Variants in CSMD2 observed in about 807,000 individuals in gnomAD.
CSMD2 encodes the protein CUB and sushi domain-containing protein 2.
CSMD2 carries 130 observed loss-of-function variants against 398.5 expected under a neutral mutation model. The ratio of observed to expected loss-of-function variants is 0.33; its 90% CI spans 0.28 to 0.38. CSMD2 has a LOEUF of 0.38. CSMD2 is among the 10% of genes least tolerant of loss of function. CSMD2 has a pLI of 1.00. For synonymous variants in CSMD2, 1,828 were observed against 1,908.5 expected (o/e 0.96, Z 1.10); for missense variants, 3,829 against 4,764.9 (o/e 0.80, Z 5.78).
At chr1:34,142,223 C>T (rs72888112) in intron 1 of CSMD2, among the ~76,000 whole-genome samples, 5,938 of 152,244 alleles carry the variant, frequency 0.039, 370 homozygotes, top group African/African-American at 0.14. Context: ...TGGCGGCCCC[C>T]TCAGTCTCCA....
intron 12 of CSMD2, among the ~76,000 whole-genome samples, chr1:33,775,117 C>T (rs960824244): frequency 3.3e-5 from 5 of 152,084 alleles, no homozygotes; most frequent in African/African-American, 7.2e-5. Flanking sequence ...TTTCAAGGGG[C>T]GCCAAAATCT....
In CSMD2 at chr1:33,953,817, T is replaced by A. The variant is rs989500316; in HGVS notation, c.518-17863A>T. Among the ~76,000 whole-genome samples, 4 of 152,310 alleles carry A rather than the reference T, an allele frequency of 2.6e-5. No individual in the cohort carries two copies. In the South Asian group the frequency reaches 8.3e-4, roughly 32 times the overall value. On this transcript the variant is annotated intron_variant, in intron 3 of 70. Coordinates refer to ENST00000373381, the MANE Select transcript of CSMD2 (RefSeq NM_001281956.2). The stretch of plus-strand genomic sequence containing the variant: ...CCTGAGAGATACGGATTGATTTTAT[T>A]GACTCAGGAGCCAGCTATGAGCATG...
chr1:34,017,608 G>A (rs1011514971), intron 3 of CSMD2, among the ~76,000 whole-genome samples: 3 of 152,142 alleles, frequency 2.0e-5, no homozygotes, highest in Non-Finnish European at 4.4e-5. Flanking sequence ...ATTTAGCCGA[G>A]TATAGTGGTG....
At chr1:33,566,484 G>GA (rs1186438691) in intron 53 of CSMD2, among the ~76,000 whole-genome samples, 1 of 152,148 alleles carries the variant, frequency 6.6e-6, no homozygotes, top group Non-Finnish European at 1.5e-5. Context: ...TAATATATGT[G>GA]AATGAGTTTA....
intron 4 of CSMD2, among the ~76,000 whole-genome samples, chr1:33,922,306 G>T (rs1643970109): frequency 6.6e-6 from 1 of 152,136 alleles, no homozygotes; most frequent in Non-Finnish European, 1.5e-5. Context: ...AAGAAGAGAA[G>T]GTGGGAAGGG....
intron 13 of CSMD2, among the ~76,000 whole-genome samples, chr1:33,764,680 C>G (rs955745780): frequency 6.6e-6 from 1 of 152,242 alleles, no homozygotes; most frequent in African/African-American, 2.4e-5. Flanking sequence ...TAATCACAAA[C>G]AGTTCCCAGG....
At position 33,958,171 on chromosome 1, in the gene CSMD2, C is replaced by T. The variant is rs542209894; in HGVS notation, c.518-22217G>A. 9.9e-5 allele frequency among the ~76,000 whole-genome samples: 15 copies of T among 152,260 alleles called. No homozygotes were observed. The South Asian group carries it at 2.9e-3, about 29-fold the overall frequency. ...CCTCATTCCATGAGGCTGTGTTTTT[C>T]CAAAGCACTGGGTCCTCTTGGCTGT... On this transcript the variant is annotated intron_variant, in intron 3 of 70. Coordinates refer to ENST00000373381, the MANE Select transcript of CSMD2 (RefSeq NM_001281956.2).
chr1:34,105,980 C>G (rs933549111), intron 1 of CSMD2, among the ~76,000 whole-genome samples: 1 of 152,048 alleles, frequency 6.6e-6, no homozygotes, highest in Admixed American at 6.6e-5. Flanking sequence ...GTTAGGGACC[C>G]CATGGATTCT....
chr1:33,519,242 G>T lies in CSMD2; in HGVS notation c.*53+223C>A, dbSNP rs1654023419. 6.6e-6 allele frequency among the ~76,000 whole-genome samples: 1 copy of T among 152,158 alleles called. No individual in the cohort carries two copies. The highest frequency in any genetic ancestry group is 6.5e-5 in the Admixed American group (1 of 15,268). On this transcript the variant is annotated intron_variant, in intron 70 of 70. Coordinates refer to ENST00000373381, the MANE Select transcript of CSMD2 (RefSeq NM_001281956.2). The surrounding 1 kb of genome is among the most constrained non-coding windows in gnomAD (Gnocchi z 5.6). ...GCTCAGTTTTCTCATCTGTAATGGGGCTCCCACAAGCTTCTACCTCACAGG... is the reference window on the plus strand; with the variant it reads ...GCTCAGTTTTCTCATCTGTAATGGGTCTCCCACAAGCTTCTACCTCACAGG...
At chr1:33,602,663 G>T in intron 42 of CSMD2, 117 bp from the exon 43 acceptor site, 1 of 930,774 alleles carries the variant, frequency 1.1e-6, no homozygotes, top group Non-Finnish European at 1.5e-6. Flanking sequence ...GGGAGGTTGG[G>T]TGGGATGCGG....
intron 55 of CSMD2, among the ~76,000 whole-genome samples, chr1:33,557,182 C>T (rs370059480): frequency 3.3e-5 from 5 of 152,182 alleles, no homozygotes; most frequent in Non-Finnish European, 7.3e-5. Context: ...TCTAATAACC[C>T]TATGGAATAG....
At chr1:34,123,813 A>G (rs1218695418) in intron 1 of CSMD2, among the ~76,000 whole-genome samples, 1 of 152,148 alleles carries the variant, frequency 6.6e-6, no homozygotes, top group Non-Finnish European at 1.5e-5. Context: ...AGCAGGAAAA[A>G]AAAACAACAA....
At chr1:33,991,004 T>C (rs1156844809) in intron 3 of CSMD2, among the ~76,000 whole-genome samples, 1 of 148,738 alleles carries the variant, frequency 6.7e-6, no homozygotes, top group Non-Finnish European at 1.5e-5. Flanking sequence ...CTTAACTGGG[T>C]GTTTTGGGTT....
At chr1:34,095,702 T>C (rs1659210082) in intron 1 of CSMD2, among the ~76,000 whole-genome samples, 1 of 151,404 alleles carries the variant, frequency 6.6e-6, no homozygotes, top group South Asian at 2.1e-4. Context: ...CTCCCAAGAC[T>C]AAACCAGGAA....
At chr1:33,859,412 C>T (rs945410463) in intron 5 of CSMD2, among the ~76,000 whole-genome samples, 59 of 152,234 alleles carry the variant, frequency 3.9e-4, no homozygotes, top group African/African-American at 1.3e-3. Flanking sequence ...CTCATCACAT[C>T]TCCTCTGACT....
chr1:33,556,672 C>T (rs372774119), intron 55 of CSMD2, among the ~76,000 whole-genome samples: 6 of 152,252 alleles, frequency 3.9e-5, no homozygotes, highest in Middle Eastern at 3.4e-3. Context: ...CCACCCAAAC[C>T]ACATCTTGAA....
At position 33,995,250 on chromosome 1, in the gene CSMD2, G is replaced by A. The variant is rs147955913; in HGVS notation, c.517+37344C>T. Reference sequence around the variant, plus strand: ...ACGAAGTCCACACTTGGACGACTCTGCTGTCTTCGCTTCTCACAAAATGAC... The same window carrying A: ...ACGAAGTCCACACTTGGACGACTCTACTGTCTTCGCTTCTCACAAAATGAC... On this transcript the variant is annotated intron_variant, in intron 3 of 70. Transcript: ENST00000373381. Among the ~76,000 whole-genome samples the A allele has an allele frequency of 2.7e-3, 412 of 152,250 alleles. 1 individual carries two copies. Among genetic ancestry groups the A allele is most frequent in the African/African-American group, 8.1e-3 (337 of 41,536 alleles).
intron 50 of CSMD2, 116 bp downstream of exon 50, chr1:33,572,390 T>TG: frequency 2.4e-4 from 208 of 857,528 alleles, no homozygotes; most frequent in Non-Finnish European, 3.2e-4. Context: ...TCCATGTCCA[T>TG]GTTTTTTTTT....
At chr1:33,680,125 C>T (rs1368410539) in intron 25 of CSMD2, among the ~76,000 whole-genome samples, 4 of 140,844 alleles carry the variant, frequency 2.8e-5, no homozygotes, top group African/African-American at 5.3e-5. Context: ...GGGGTTTCAC[C>T]GTGTTAGCCA....
Sources: gnomAD v4.1 joint callset for allele counts (sites outside exome capture counted in the v4.1 genomes callset) on GRCh38, gnomAD v4.1.1 for gene constraint, Gnocchi (gnomAD v3.1) non-coding constraint, MANE v1.5 for transcripts, NCBI Gene and HGNC (gene_info 2026-07-23, HGNC 2026-07-21) for gene names.